ARID1B: variants seen among roughly 807,000 people sequenced by gnomAD.
ARID1B encodes the protein AT-rich interactive domain-containing protein 1B.
Under a neutral mutation model 212.3 loss-of-function variants are expected in ARID1B, and 30 were observed. That is an observed-to-expected ratio of 0.14 (90% CI 0.11 to 0.19). ARID1B has a LOEUF of 0.19. ARID1B is among the 10% of genes least tolerant of loss of function. The probability of loss-of-function intolerance (pLI) is 1.00; values close to 1 mark genes in which losing one functional copy is unlikely to be tolerated. For missense variants in ARID1B, 2,891 were observed against 3,204.0 expected, an observed-to-expected ratio of 0.90 and a Z score of 2.36; for synonymous variants, 1,402 against 1,301.7, an observed-to-expected ratio of 1.08 and a Z score of -1.66.
In ARID1B at chr6:157,094,432, A is replaced by G. The variant is rs188067878; in HGVS notation, c.2491+9527A>G. Among the ~76,000 whole-genome samples the G allele has an allele frequency of 3.9e-3, 596 of 152,166 alleles. 2 individuals carry two copies. The highest frequency in any genetic ancestry group is 6.8e-3 in the Middle Eastern group (2 of 294). On this transcript the variant is annotated intron_variant, in intron 5 of 19. Coordinates refer to ENST00000636930, the MANE Select transcript of ARID1B (RefSeq NM_001374828.1). The surrounding 1 kb of genome is among the most constrained non-coding windows in gnomAD (Gnocchi z 4.3). ...TACAGTGGCACGATCTCCACTCACT[A>G]CAACCTCTACCTCCCAGGTTCAAGC...
upstream of ARID1B, chr6:156,776,387 G>T (rs977896410): frequency 6.6e-5 from 10 of 152,060 alleles, no homozygotes; most frequent in African/African-American, 1.7e-4. Flanking sequence ...TATTATTATT[G>T]AAGTTATATT....
At chr6:156,982,572 A>C (rs1377480049) in intron 4 of ARID1B, among the ~76,000 whole-genome samples, 1 of 151,868 alleles carries the variant, frequency 6.6e-6, no homozygotes, top group Non-Finnish European at 1.5e-5. Context: ...GGTGTTGGAT[A>C]TACTGGATTT....
At chr6:157,158,560 A>G (rs1194507900) in intron 8 of ARID1B, among the ~76,000 whole-genome samples, 1 of 152,228 alleles carries the variant, frequency 6.6e-6, no homozygotes, top group Non-Finnish European at 1.5e-5. Context: ...AGGTTCGTCC[A>G]TCAGGGATTG....
chr6:157,036,073 C>A (rs1781309735), intron 4 of ARID1B, among the ~76,000 whole-genome samples: 1 of 152,192 alleles, frequency 6.6e-6, no homozygotes, highest in Non-Finnish European at 1.5e-5. Flanking sequence ...TTTAAAAATA[C>A]TCAGATGTGT....
chr6:157,200,814 A>G lies in ARID1B; in HGVS notation c.4589A>G (p.Tyr1530Cys), dbSNP rs1008206119. The G allele has an allele frequency of 6.2e-7, 1 of 1,614,132 alleles. No individual in the cohort carries two copies. Among genetic ancestry groups the G allele is most frequent in the Admixed American group, 1.7e-5 (1 of 60,020 alleles). ...CAGCAGCAGGAGATGTACAACCAGT[A>G]TGGAGGCTCCTACTCGGGCCCGGAC... The part of the protein sequence containing the change: ...SSQQQEMYNQ[Y>C]GGSYSGPDRR... The change falls in exon 18 of 20, where the codon TAT becomes TGT. Residue 1530 changes from tyrosine to cysteine, a missense_variant. By Grantham distance (194) the Tyr-to-Cys change is radical. Around this residue, in one of 7 missense-constraint regions of ARID1B, gnomAD observed 666 missense variants for 873.5 expected, o/e 0.76. Coordinates refer to ENST00000636930, the MANE Select transcript of ARID1B (RefSeq NM_001374828.1). The surrounding 1 kb of genome is among the most constrained non-coding windows in gnomAD (Gnocchi z 4.3).
chr6:156,799,979 C>T (rs1047429658), intron 1 of ARID1B, among the ~76,000 whole-genome samples: 1 of 152,102 alleles, frequency 6.6e-6, no homozygotes, highest in Non-Finnish European at 1.5e-5. Flanking sequence ...AAGGTGCCCA[C>T]CCGGAACCCT....
At chr6:156,976,773 C>A (rs1442683424) in intron 4 of ARID1B, 2 of 536,900 alleles carry the variant, frequency 3.7e-6, no homozygotes, top group African/African-American at 1.9e-5. Context: ...TCAAAGTTAG[C>A]GAGACCACAA....
At chr6:156,793,306 A>G (rs1413223798) in intron 1 of ARID1B, among the ~76,000 whole-genome samples, 1 of 152,104 alleles carries the variant, frequency 6.6e-6, no homozygotes, top group African/African-American at 2.4e-5. Context: ...GGCAGCAGAA[A>G]TGTCAGGGTG....
chr6:156,898,015 A>C (rs555664870), intron 2 of ARID1B, among the ~76,000 whole-genome samples: 23 of 152,274 alleles, frequency 1.5e-4, no homozygotes, highest in African/African-American at 5.1e-4. Flanking sequence ...CACGTAGTTA[A>C]GTGTTTCACT....
At chr6:157,120,854 G>T (rs1787660313) in intron 6 of ARID1B, among the ~76,000 whole-genome samples, 1 of 152,174 alleles carries the variant, frequency 6.6e-6, no homozygotes, top group African/African-American at 2.4e-5. Flanking sequence ...GTAGTTCTCT[G>T]CTAGCTGACG....
At position 156,778,118 on chromosome 6, in the gene ARID1B, G is replaced by C. The variant is rs1209995753; in HGVS notation, c.438G>C (p.Leu146=). 1.9e-6 allele frequency: 3 copies of C among 1,540,202 alleles called. No individual in the cohort carries two copies. In the African/African-American group the frequency reaches 4.1e-5, roughly 21 times the overall value. The change falls in exon 1 of 20, where the codon CTG becomes CTC. Residue 146 remains leucine, a synonymous_variant. Transcript: ENST00000636930. The part of the protein sequence containing the change: ...SGPGSAMETG[L]LPNHKLKTVG... ...CGGGCTCGGCCATGGAGACGGGGCTGCTCCCCAACCACAAACTGAAAACCG... is the reference window on the plus strand; with the variant it reads ...CGGGCTCGGCCATGGAGACGGGGCTCCTCCCCAACCACAAACTGAAAACCG...
chr6:157,064,060 C>T (rs1056546098), intron 4 of ARID1B, among the ~76,000 whole-genome samples: 6 of 152,166 alleles, frequency 3.9e-5, no homozygotes, highest in Admixed American at 3.9e-4. Context: ...CTAGGCTAGC[C>T]GGAAACCTGC....
At chr6:157,120,261 C>T (rs1008582170) in intron 6 of ARID1B, among the ~76,000 whole-genome samples, 2 of 152,184 alleles carry the variant, frequency 1.3e-5, no homozygotes, top group Admixed American at 6.5e-5. Flanking sequence ...GACCCCTCCC[C>T]GGACTCTCAT....
At position 157,207,776 on chromosome 6, in the gene ARID1B, G is replaced by A. The variant is rs146468586; in HGVS notation, c.7004G>A (p.Arg2335His). The change falls in exon 20 of 20, where the codon CGC becomes CAC. Residue 2335 changes from arginine to histidine, a missense_variant. Arg to His is a conservative substitution (Grantham distance 29). Around this residue, in one of 7 missense-constraint regions of ARID1B, gnomAD observed 187 missense variants for 306.5 expected, o/e 0.61. Coordinates refer to ENST00000636930, the MANE Select transcript of ARID1B (RefSeq NM_001374828.1). The surrounding 1 kb of genome is among the most constrained non-coding windows in gnomAD (Gnocchi z 8.5). ...LLAMARVDEN[R>H]SEFLLHEGRL... Reference sequence around the variant, plus strand: ...GCCATGGCCAGAGTGGACGAAAACCGCTCGGAATTCCTTTTGCACGAGGGC... The same window carrying A: ...GCCATGGCCAGAGTGGACGAAAACCACTCGGAATTCCTTTTGCACGAGGGC... 1.2e-4 allele frequency: 183 copies of A among 1,570,410 alleles called. No homozygotes were observed. Among genetic ancestry groups the A allele is most frequent in the Middle Eastern group, 1.7e-4 (1 of 5,866 alleles).
chr6:156,785,734 T>A (rs1041218701), intron 1 of ARID1B, among the ~76,000 whole-genome samples: 1 of 152,242 alleles, frequency 6.6e-6, no homozygotes, highest in Admixed American at 6.5e-5. Context: ...TAATGTGTAT[T>A]GTAAGTAAAA....
chr6:156,788,508 A>T (rs558360956), intron 1 of ARID1B, among the ~76,000 whole-genome samples: 1 of 152,322 alleles, frequency 6.6e-6, no homozygotes, highest in Non-Finnish European at 1.5e-5. Flanking sequence ...CACTTTGATG[A>T]TCTGCAAAAA....
intron 3 of ARID1B, among the ~76,000 whole-genome samples, chr6:156,916,373 C>T (rs1227134949): frequency 2.6e-5 from 4 of 152,086 alleles, no homozygotes; most frequent in Non-Finnish European, 5.9e-5. Context: ...ACTAGGACAT[C>T]AGAGGTTCAC....
intron 7 of ARID1B, among the ~76,000 whole-genome samples, chr6:157,136,828 C>T (rs1788947088): frequency 6.6e-6 from 1 of 152,158 alleles, no homozygotes; most frequent in South Asian, 2.1e-4. Flanking sequence ...TGCCACTGTA[C>T]TCCAGCCTGG....
At chr6:157,019,625 C>T (rs1466904819) in intron 4 of ARID1B, among the ~76,000 whole-genome samples, 1 of 152,026 alleles carries the variant, frequency 6.6e-6, no homozygotes, top group Non-Finnish European at 1.5e-5. Context: ...GAGGGAAGAA[C>T]TTGTCCATTA....
Sources: gnomAD v4.1 joint callset for allele counts (sites outside exome capture counted in the v4.1 genomes callset) on GRCh38, gnomAD v4.1.1 for gene constraint, gnomAD v4.1.1 regional missense constraint, Gnocchi (gnomAD v3.1) non-coding constraint, MANE v1.5 for transcripts, NCBI Gene and HGNC (gene_info 2026-07-23, HGNC 2026-07-21) for gene names.